The following TAF15 variants were observed in gnomAD, a reference collection of about 807,000 sequenced individuals.
The protein encoded by TAF15 is TATA-box binding protein associated factor 15.
Under a neutral mutation model 102.5 loss-of-function variants are expected in TAF15, and 37 were observed. That is an observed-to-expected ratio of 0.36 (90% CI 0.28 to 0.47). The LOEUF (loss-of-function observed/expected upper bound fraction) is 0.47, where lower values mean the gene tolerates loss of function less well. Ranked by LOEUF, TAF15 falls within the 20% of genes least tolerant of loss-of-function variation. TAF15 has a pLI of 0.99. For synonymous variants in TAF15, 273 were observed against 259.2 expected (o/e 1.05, Z -0.51); for missense variants, 652 against 760.7 (o/e 0.86, Z 1.68).
intron 11 of TAF15, among the ~76,000 whole-genome samples, chr17:35,840,295 A>G (rs1205445616): frequency 1.6e-5 from 2 of 126,976 alleles, no homozygotes; most frequent in Non-Finnish European, 3.1e-5. Context: ...TCTGTTGCTC[A>G]GGCTGGAGTG....
rs1276245309 is a variant in TAF15, at chr17:35,844,552, A to C, written c.1253A>C (p.Tyr418Ser). Residue 418 changes from tyrosine (Y) to serine (S), a missense_variant, in exon 15 of 16, where the codon TAT becomes TCT. By Grantham distance (144) the Tyr-to-Ser change is moderately radical. Around this residue, in one of 3 missense-constraint regions of TAF15, gnomAD observed 368 missense variants for 367.5 expected, o/e 1.00. Transcript: ENST00000605844. Reference protein sequence around the residue: ...RGGRGGDRGGYGGDRSGGGYG... With the variant: ...RGGRGGDRGGSGGDRSGGGYG... ...GGCAGAGGTGGAGACCGAGGCGGCT[A>C]TGGTGGAGACAGAAGTGGGGGTGGC... 6.3e-7 allele frequency: 1 copy of C among 1,596,562 alleles called. No individual in the cohort carries two copies. Among genetic ancestry groups the C allele is most frequent in the Non-Finnish European group, 8.5e-7 (1 of 1,171,534 alleles).
chr17:35,820,956 T>TA (rs2143761133), intron 5 of TAF15, among the ~76,000 whole-genome samples: 1 of 152,338 alleles, frequency 6.6e-6, no homozygotes, highest in Non-Finnish European at 1.5e-5. Context: ...AGCTGGTACT[T>TA]AATTTTATGC....
chr17:35,831,359 A>G (rs1006420586), intron 7 of TAF15, among the ~76,000 whole-genome samples: 11 of 151,528 alleles, frequency 7.3e-5, no homozygotes, highest in Admixed American at 2.6e-4. Context: ...GTGAGCCGAG[A>G]TCGCGCCACT....
intron 5 of TAF15, 56 bp from the exon 6 acceptor site, chr17:35,822,584 G>A (rs1163048462): frequency 6.4e-7 from 1 of 1,552,794 alleles, no homozygotes. Flanking sequence ...CAGCCAACTT[G>A]CTACAGCAAA....
chr17:35,817,872 G>T (rs542524749), intron 2 of TAF15, 117 bp downstream of exon 2: 3 of 877,656 alleles, frequency 3.4e-6, no homozygotes, highest in Admixed American at 1.9e-5. Flanking sequence ...GCTTGTCACA[G>T]AGTGAAGAGA....
At chr17:35,814,884 G>GTATA (rs1055804972) in intron 1 of TAF15, among the ~76,000 whole-genome samples, 15 of 149,672 alleles carry the variant, frequency 1.0e-4, no homozygotes, top group African/African-American at 3.8e-4. Context: ...ATATATATAT[G>GTATA]TATATATATA....
Position 35,842,513 on chromosome 17 carries a change from G to A in TAF15, c.1006+54G>A. On this transcript the variant is annotated intron_variant, in intron 12 of 15. Coordinates refer to ENST00000605844, the MANE Select transcript of TAF15 (RefSeq NM_139215.3). ...ATACTATCCAAGGGTTTAAGTTTGAGTTCATACTCTGTTTCTATTTGTGTG... is the reference window on the plus strand; with the variant it reads ...ATACTATCCAAGGGTTTAAGTTTGAATTCATACTCTGTTTCTATTTGTGTG... 13 of 1,372,184 alleles carry A rather than the reference G, an allele frequency of 9.5e-6. No homozygotes were observed. In the South Asian group the frequency reaches 1.5e-4, roughly 16 times the overall value. 85.0% of individuals were successfully genotyped at this position (1,372,184 alleles called of 1,614,324 possible).
chr17:35,840,247 CTTT>C (rs370455465), intron 11 of TAF15, among the ~76,000 whole-genome samples: 2 of 119,392 alleles, frequency 1.7e-5, no homozygotes, highest in Non-Finnish European at 1.8e-5. Context: ...CGTTATTTTC[CTTT>C]TTTTTTTTTT....
intron 10 of TAF15, 70 bp from the exon 11 acceptor site, chr17:35,838,354 T>C: frequency 1.3e-6 from 2 of 1,592,012 alleles, no homozygotes; most frequent in South Asian, 2.2e-5. Flanking sequence ...AATAAATCTT[T>C]GATTATCTAA....
At chr17:35,810,576 C>T (rs1225569314) in intron 1 of TAF15, 1 of 152,220 alleles carries the variant, frequency 6.6e-6, no homozygotes, top group Non-Finnish European at 1.5e-5. Flanking sequence ...TAGAAACCAT[C>T]ATGAGAGTTA....
chr17:35,811,692 A>G (rs925300788), intron 1 of TAF15: 1 of 152,218 alleles, frequency 6.6e-6, no homozygotes, highest in Non-Finnish European at 1.5e-5. Flanking sequence ...AATAAAGTAT[A>G]AGCACTGAAG....
At chr17:35,809,711 T>TGCCGCC (rs2087102044) in intron 1 of TAF15, 135 bp downstream of exon 1, 1 of 1,221,788 alleles carries the variant, frequency 8.2e-7, no homozygotes, top group Non-Finnish European at 1.2e-6. Context: ...GGGCGGCCGC[T>TGCCGCC]GCCGCCGCCA....
At position 35,820,366 on chromosome 17, in the gene TAF15, A is replaced by G; in HGVS notation, c.219A>G (p.Gln73=). ...AGTCCTATGGTGGTTATGAGAATCA[A>G]AAGCAGAGCTCATATAGCCAGCAAC... is the stretch of plus-strand genomic sequence containing the variant. The part of the protein sequence containing the change: ...YSQSYGGYEN[Q]KQSSYSQQPY... Residue 73 remains glutamine, a synonymous_variant, in exon 5 of 16, where the codon CAA becomes CAG. Transcript: ENST00000605844. 3.7e-6 allele frequency: 6 copies of G among 1,614,096 alleles called. No homozygotes were observed. Among genetic ancestry groups the G allele is most frequent in the Non-Finnish European group, 5.1e-6 (6 of 1,179,958 alleles).
chr17:35,834,628 C>G (rs1237160234), intron 9 of TAF15, 30 bp downstream of exon 9: 15 of 1,606,052 alleles, frequency 9.3e-6, no homozygotes, highest in Non-Finnish European at 1.3e-5. Flanking sequence ...GTCACTTTGC[C>G]ATTAAGAAAA....
intron 1 of TAF15, among the ~76,000 whole-genome samples, chr17:35,813,992 T>G (rs533950869): frequency 6.5e-4 from 89 of 137,724 alleles, no homozygotes; most frequent in African/African-American, 1.7e-3. Flanking sequence ...TTCTGTTTTT[T>G]TTGTTGTTGT....
rs2087210367 is a variant in TAF15, at chr17:35,817,616, T to C, written c.8-100T>C. On this transcript the variant is annotated intron_variant, in intron 1 of 15. Transcript: ENST00000605844. ...GAGTTAGTTTTTCTTTCTGCAGTTC[T>C]TTACATTTTCTTACCACATTTCTTC... 28 of 1,039,544 alleles carry C rather than the reference T, an allele frequency of 2.7e-5. No homozygotes were observed. In the East Asian group the frequency reaches 6.8e-4, roughly 25 times the overall value. The allele number at this position is 1,039,544 out of a possible 1,614,324, so 64.4% of individuals were successfully genotyped here.
intron 6 of TAF15, 129 bp from the exon 7 acceptor site, chr17:35,823,949 C>T: frequency 2.7e-6 from 3 of 1,114,608 alleles, no homozygotes; most frequent in Non-Finnish European, 4.1e-6. Context: ...TGATGACTTG[C>T]ATTTGAGTTG....
At position 35,844,498 on chromosome 17, in the gene TAF15, G is replaced by A. The variant is rs2087585773; in HGVS notation, c.1199G>A (p.Gly400Asp). The change falls in exon 15 of 16, where the codon GGT becomes GAT. Residue 400 changes from glycine to aspartate, a missense_variant. This residue lies in a region of TAF15 where 368 missense variants were observed against 367.5 expected (regional missense o/e 1.00). Transcript: ENST00000605844. ...GCAGATTTCCGGGGGAGAGGCTACG[G>A]TGGAGAGAGGGGCTACAGAGGTCGT... The part of the protein sequence containing the change: ...SGGDFRGRGY[G>D]GERGYRGRGG... 1 of 1,613,326 alleles carries A rather than the reference G, an allele frequency of 6.2e-7. No individual in the cohort carries two copies. The highest frequency in any genetic ancestry group is 8.5e-7 in the Non-Finnish European group (1 of 1,179,600).
intron 15 of TAF15, 121 bp downstream of exon 15, chr17:35,845,159 G>T: frequency 7.8e-7 from 1 of 1,276,122 alleles, no homozygotes; most frequent in Non-Finnish European, 1.1e-6. Context: ...TCTCAGGATG[G>T]AGAAGATGAT....
Sources: allele counts gnomAD v4.1 joint callset (sites outside exome capture counted in the v4.1 genomes callset), GRCh38; gene constraint gnomAD v4.1.1; regional missense constraint gnomAD v4.1.1; transcripts MANE v1.5; gene names NCBI Gene and HGNC (gene_info 2026-07-23, HGNC 2026-07-21).